PKHD1: variants seen among roughly 807,000 people sequenced by gnomAD.
PKHD1 encodes the protein fibrocystin.
Under a neutral mutation model 412.0 loss-of-function variants are expected in PKHD1, and 291 were observed. The observed-to-expected ratio is 0.71, with a 90% CI of 0.64 to 0.78. PKHD1 has a LOEUF of 0.78. PKHD1 is among the 30% of genes least tolerant of loss of function. PKHD1 has a pLI of 0.00. For missense variants in PKHD1, 4,825 were observed against 4,950.7 expected (o/e 0.97, Z 0.76); for synonymous variants, 1,777 against 1,821.5 (o/e 0.98, Z 0.62).
chr6:51,885,269 C>A (rs1397915231), intron 45 of PKHD1, among the ~76,000 whole-genome samples: 7 of 152,230 alleles, frequency 4.6e-5, no homozygotes, highest in African/African-American at 1.7e-4. Flanking sequence ...AATGATTGAA[C>A]ATGAACCTTT....
intron 60 of PKHD1, among the ~76,000 whole-genome samples, chr6:51,688,979 C>T (rs188429420): frequency 6.6e-5 from 10 of 152,146 alleles, no homozygotes; most frequent in South Asian, 2.1e-4. Context: ...GGAGGGACTC[C>T]GCACTAACAC....
rs772335387 is a variant in PKHD1 at position 52,033,157 on chromosome 6, A to C, written c.3237T>G (p.Asp1079Glu). Residue 1079 changes from aspartate to glutamate, a missense_variant, in exon 29 of 67, where the codon GAT becomes GAG. By Grantham distance (45) the Asp-to-Glu change is conservative. Coordinates refer to ENST00000371117, the MANE Select transcript of PKHD1 (RefSeq NM_138694.4). ...IQCKVPPRGKDGRIVNVTVIR... is the reference protein window; with the variant it reads ...IQCKVPPRGKEGRIVNVTVIR... ...TCACAGTCACATTCACAATGCGTCC[A>C]TCTTTCCCCTGAAAAATCAATTTTA... The C allele has an allele frequency of 9.9e-6, 16 of 1,612,656 alleles. No homozygotes were observed. Among genetic ancestry groups the C allele is most frequent in the African/African-American group, 1.3e-5 (1 of 74,920 alleles).
intron 36 of PKHD1, among the ~76,000 whole-genome samples, chr6:51,934,620 A>G (rs933497702): frequency 4.7e-5 from 7 of 150,222 alleles, no homozygotes; most frequent in African/African-American, 1.5e-4. Context: ...TGAGAAGACC[A>G]CTAACTTTAC....
At chr6:52,077,171 C>T (rs1270160728) in intron 5 of PKHD1, among the ~76,000 whole-genome samples, 1 of 152,086 alleles carries the variant, frequency 6.6e-6, no homozygotes, top group African/African-American at 2.4e-5. Flanking sequence ...AAAGAGTCAC[C>T]CAATCTGGGA....
intron 60 of PKHD1, among the ~76,000 whole-genome samples, chr6:51,702,404 A>G (rs1231935061): frequency 1.3e-5 from 2 of 151,624 alleles, no homozygotes; most frequent in Non-Finnish European, 2.9e-5. Context: ...CGTAAGAATT[A>G]AACAGTGTAT....
At chr6:51,723,215 T>C (rs555828052) in intron 60 of PKHD1, among the ~76,000 whole-genome samples, 2 of 152,330 alleles carry the variant, frequency 1.3e-5, no homozygotes, top group African/African-American at 4.8e-5. Flanking sequence ...TCTTGGGACC[T>C]CTGTGATGTC....
chr6:52,068,437 C>T (rs1234172049), intron 11 of PKHD1, among the ~76,000 whole-genome samples: 1 of 152,200 alleles, frequency 6.6e-6, no homozygotes, highest in Admixed American at 6.5e-5. Context: ...CTCACAAAAA[C>T]CTTGGAGTGG....
At chr6:52,071,490 C>T (rs1810606911) in intron 8 of PKHD1, among the ~76,000 whole-genome samples, 2 of 151,956 alleles carry the variant, frequency 1.3e-5, no homozygotes, top group South Asian at 2.1e-4. Context: ...AAAAGTGAAA[C>T]CATAGAGTAT....
chr6:51,781,169 T>C (rs1254800457), intron 53 of PKHD1, among the ~76,000 whole-genome samples: 6 of 152,148 alleles, frequency 3.9e-5, no homozygotes, highest in Non-Finnish European at 8.8e-5. Flanking sequence ...TAAATAGCAC[T>C]CAACCAAGTA....
intron 48 of PKHD1, among the ~76,000 whole-genome samples, chr6:51,865,567 C>A (rs951619857): frequency 1.3e-5 from 2 of 152,166 alleles, no homozygotes; most frequent in Admixed American, 6.5e-5. Context: ...AAGAGGATGT[C>A]TTGTTTATGC....
At chr6:52,029,160 G>T (rs532330564) in intron 29 of PKHD1, among the ~76,000 whole-genome samples, 39 of 152,102 alleles carry the variant, frequency 2.6e-4, no homozygotes, top group Admixed American at 1.6e-3. Flanking sequence ...TAATATGACT[G>T]GTATTTTGCA....
chr6:52,010,529 T>C (rs189659416), intron 34 of PKHD1, 70 bp from the exon 35 acceptor site: 1 of 1,296,042 alleles, frequency 7.7e-7, no homozygotes, highest in Non-Finnish European at 1.1e-6. Flanking sequence ...TTACTCTTAT[T>C]AATCATTGCA....
intron 60 of PKHD1, among the ~76,000 whole-genome samples, chr6:51,712,809 T>C (rs989238411): frequency 6.6e-6 from 1 of 152,234 alleles, no homozygotes; most frequent in Non-Finnish European, 1.5e-5. Context: ...TCAGTAATAT[T>C]TTCATAGTAC....
At chr6:51,791,998 A>G (rs1021966359) in intron 52 of PKHD1, among the ~76,000 whole-genome samples, 1 of 152,196 alleles carries the variant, frequency 6.6e-6, no homozygotes, top group Non-Finnish European at 1.5e-5. Flanking sequence ...GGTAAAGTAC[A>G]TGGTGCATGC....
chr6:51,668,241 C>G (rs1489311674), intron 60 of PKHD1, among the ~76,000 whole-genome samples: 1 of 152,054 alleles, frequency 6.6e-6, no homozygotes, highest in Non-Finnish European at 1.5e-5. Flanking sequence ...GTTTGTAGTT[C>G]TCCTTGAAGA....
rs1215304350 is a variant in PKHD1 at position 51,976,773 on chromosome 6, C to T, written c.5752-16747G>A. On this transcript the variant is annotated intron_variant, in intron 35 of 66. Coordinates refer to ENST00000371117, the MANE Select transcript of PKHD1 (RefSeq NM_138694.4). ...GACCATCCTGGACAACATGGTGAAA[C>T]CCCGTTTCTACTAAAAATACAAAAA... 6.6e-5 allele frequency among the ~76,000 whole-genome samples: 10 copies of T among 152,076 alleles called. No individual in the cohort carries two copies. The South Asian group carries it at 2.1e-3, about 32-fold the overall frequency.
chr6:51,836,986 G>A (rs1582957708), intron 50 of PKHD1, among the ~76,000 whole-genome samples: 1 of 152,080 alleles, frequency 6.6e-6, no homozygotes, highest in East Asian at 1.9e-4. Context: ...AAGGCCTGGG[G>A]TTCATTAATT....
chr6:51,743,493 G>A (rs973955927), intron 60 of PKHD1, among the ~76,000 whole-genome samples: 2 of 152,142 alleles, frequency 1.3e-5, no homozygotes, highest in African/African-American at 2.4e-5. Flanking sequence ...TCCAAGTAAA[G>A]TCAGTTGGCT....
rs747283913 is a variant in PKHD1, at chr6:51,659,202, T to C, written c.10924A>G (p.Met3642Val). Residue 3642 changes from methionine to valine, a missense_variant, in exon 61 of 67, where the codon ATG becomes GTG. Coordinates refer to ENST00000371117, the MANE Select transcript of PKHD1 (RefSeq NM_138694.4). ...RRVGQRRPLM[M>V]EMNSHRASPP... is the part of the protein sequence containing the mutation. ...GAAGCCCTATGTGAGTTCATTTCCA[T>C]CATGAGAGGCCTACGTTGACCAACT... 5.6e-6 allele frequency: 9 copies of C among 1,613,728 alleles called. No individual in the cohort carries two copies. The highest frequency in any genetic ancestry group is 7.6e-6 in the Non-Finnish European group (9 of 1,179,884).
Sources: gnomAD v4.1 joint callset for allele counts (sites outside exome capture counted in the v4.1 genomes callset) on GRCh38, gnomAD v4.1.1 for gene constraint, MANE v1.5 for transcripts, NCBI Gene and HGNC (gene_info 2026-07-23, HGNC 2026-07-21) for gene names.